Variants in PIP5K1B observed in about 807,000 individuals in gnomAD.
The protein encoded by PIP5K1B is phosphatidylinositol 4-phosphate 5-kinase type-1 beta.
Under a neutral mutation model 67.0 loss-of-function variants are expected in PIP5K1B, and 42 were observed. The ratio of observed to expected loss-of-function variants is 0.63; its 90% CI spans 0.49 to 0.81. The LOEUF (loss-of-function observed/expected upper bound fraction) is 0.81. Among genes scored for constraint, PIP5K1B ranks in the 30% least tolerant of loss-of-function variants. The pLI is 0.00. For synonymous variants in PIP5K1B, 214 were observed against 231.4 expected (o/e 0.92, Z 0.68); for missense variants, 459 against 646.3 (o/e 0.71, Z 3.14).
chr9:68,804,992 C>G (rs1219148960), intron 2 of PIP5K1B, among the ~76,000 whole-genome samples: 1 of 152,206 alleles, frequency 6.6e-6, no homozygotes, highest in Non-Finnish European at 1.5e-5. Context: ...CCTAACTGGT[C>G]CAGAATGCAA....
intron 2 of PIP5K1B, among the ~76,000 whole-genome samples, chr9:68,809,653 G>A (rs1371241084): frequency 1.3e-5 from 2 of 152,088 alleles, no homozygotes; most frequent in Non-Finnish European, 2.9e-5. Flanking sequence ...TACCCTTCAC[G>A]GTGCTGGGTC....
intron 5 of PIP5K1B, among the ~76,000 whole-genome samples, chr9:68,868,957 A>G (rs1021431256): frequency 2.6e-5 from 4 of 152,252 alleles, no homozygotes; most frequent in African/African-American, 7.2e-5. Context: ...AAGAATTCCA[A>G]GAAACTACGG....
At chr9:68,915,975 C>A (rs1826071477) in intron 8 of PIP5K1B, among the ~76,000 whole-genome samples, 1 of 152,166 alleles carries the variant, frequency 6.6e-6, no homozygotes, top group Non-Finnish European at 1.5e-5. Context: ...AATCTTCAGG[C>A]CTGATCCCCT....
At chr9:68,914,784 G>A (rs1364767157) in intron 8 of PIP5K1B, among the ~76,000 whole-genome samples, 4 of 152,176 alleles carry the variant, frequency 2.6e-5, no homozygotes. Flanking sequence ...TGTGTTGTCA[G>A]CCATCCAGGC....
chr9:68,718,988 A>G (rs1827757999), intron 1 of PIP5K1B, among the ~76,000 whole-genome samples: 1 of 152,140 alleles, frequency 6.6e-6, no homozygotes. Flanking sequence ...TTGAAACTGA[A>G]ATTTTAAAAA....
chr9:68,999,488 A>G (rs748982850), intron 15 of PIP5K1B, among the ~76,000 whole-genome samples: 2 of 152,246 alleles, frequency 1.3e-5, no homozygotes, highest in African/African-American at 2.4e-5. Flanking sequence ...GTAAATGACT[A>G]TATGAACAGA....
intron 2 of PIP5K1B, among the ~76,000 whole-genome samples, chr9:68,755,531 A>G (rs945353401): frequency 4.6e-5 from 7 of 152,242 alleles, no homozygotes; most frequent in Non-Finnish European, 1.0e-4. Flanking sequence ...CCTCCTTAAA[A>G]TGTGGAAAAT....
intron 12 of PIP5K1B, among the ~76,000 whole-genome samples, chr9:68,933,403 G>A (rs1382188883): frequency 6.6e-6 from 1 of 152,168 alleles, no homozygotes; most frequent in South Asian, 2.1e-4. Flanking sequence ...AGAGAGTGGA[G>A]AATTAAGGTA....
chr9:68,837,646 CA>C (rs1444058649), intron 4 of PIP5K1B, among the ~76,000 whole-genome samples: 1 of 120,922 alleles, frequency 8.3e-6, no homozygotes, highest in Non-Finnish European at 1.7e-5. Context: ...TTTATATAGT[CA>C]AATTTGTTAA....
At chr9:68,887,167 G>C (rs1414416538) in intron 6 of PIP5K1B, among the ~76,000 whole-genome samples, 1 of 152,156 alleles carries the variant, frequency 6.6e-6, no homozygotes, top group Non-Finnish European at 1.5e-5. Context: ...CTTTTTCCAT[G>C]ATCCATTTTT....
intron 13 of PIP5K1B, among the ~76,000 whole-genome samples, chr9:68,936,906 A>G (rs1394738263): frequency 2.0e-5 from 3 of 152,078 alleles, no homozygotes; most frequent in Admixed American, 2.0e-4. Flanking sequence ...TTAAAATTAT[A>G]TTAGTTTATT....
At chr9:68,924,773 G>T (rs1267473180) in intron 12 of PIP5K1B, among the ~76,000 whole-genome samples, 1 of 151,918 alleles carries the variant, frequency 6.6e-6, no homozygotes, top group Non-Finnish European at 1.5e-5. Context: ...AAATTTTCCT[G>T]GTAATATTTA....
chr9:68,791,170 C>T (rs1831947823), intron 2 of PIP5K1B, among the ~76,000 whole-genome samples: 2 of 152,100 alleles, frequency 1.3e-5, no homozygotes, highest in Non-Finnish European at 2.9e-5. Flanking sequence ...ATATTTTGTG[C>T]CCCAGCAGAG....
At chr9:68,896,186 T>C (rs906380065) in intron 8 of PIP5K1B, among the ~76,000 whole-genome samples, 18 of 152,214 alleles carry the variant, frequency 1.2e-4, no homozygotes, top group Non-Finnish European at 2.6e-4. Context: ...CCTGTGTTTT[T>C]TCTGCCCTTT....
At chr9:68,892,644 CTA>C (rs1280987011) in intron 7 of PIP5K1B, among the ~76,000 whole-genome samples, 1 of 152,038 alleles carries the variant, frequency 6.6e-6, no homozygotes, top group Non-Finnish European at 1.5e-5. Flanking sequence ...ATGACCAAAA[CTA>C]TTAAAAATTT....
At chr9:68,919,091 A>G (rs1826241665) in intron 9 of PIP5K1B, among the ~76,000 whole-genome samples, 1 of 152,208 alleles carries the variant, frequency 6.6e-6, no homozygotes, top group South Asian at 2.1e-4. Flanking sequence ...AAGTAAACAT[A>G]CATTACTCTT....
chr9:68,843,441 C>T (rs1822022216), intron 4 of PIP5K1B, among the ~76,000 whole-genome samples: 2 of 152,096 alleles, frequency 1.3e-5, no homozygotes, highest in African/African-American at 2.4e-5. Flanking sequence ...GGGGTTTTCC[C>T]CATTGCCAGG....
chr9:68,806,388 G>A (rs1434484023), intron 2 of PIP5K1B, among the ~76,000 whole-genome samples: 1 of 152,158 alleles, frequency 6.6e-6, no homozygotes, highest in African/African-American at 2.4e-5. Flanking sequence ...GCTCTGCCCT[G>A]GTCTTTCAGG....
chr9:69,003,624 C>T (rs1289346035), intron 15 of PIP5K1B, among the ~76,000 whole-genome samples: 6 of 152,152 alleles, frequency 3.9e-5, no homozygotes, highest in African/African-American at 1.2e-4. Context: ...CACACCACAT[C>T]CCAGATGTTC....
Sources: gnomAD v4.1 joint callset for allele counts (sites outside exome capture counted in the v4.1 genomes callset) on GRCh38, gnomAD v4.1.1 for gene constraint, MANE v1.5 for transcripts, NCBI Gene and HGNC (gene_info 2026-07-23, HGNC 2026-07-21) for gene names.